CAMK2B: variants seen among roughly 807,000 people sequenced by gnomAD.
CAMK2B encodes the protein calcium/calmodulin dependent protein kinase II beta.
Under a neutral mutation model 93.7 loss-of-function variants are expected in CAMK2B, and 27 were observed. The ratio of observed to expected loss-of-function variants is 0.29; its 90% CI spans 0.21 to 0.40. CAMK2B has a LOEUF of 0.40. Among genes scored for constraint, CAMK2B ranks in the 10% least tolerant of loss-of-function variants. The probability of loss-of-function intolerance (pLI) is 1.00; values close to 1 mark genes in which losing one functional copy is unlikely to be tolerated. For synonymous variants in CAMK2B, 374 were observed against 358.8 expected (o/e 1.04, Z -0.48); for missense variants, 568 against 895.8 (o/e 0.63, Z 4.67).
At chr7:44,276,970 C>T (rs1379253560) in intron 2 of CAMK2B, among the ~76,000 whole-genome samples, 1 of 152,184 alleles carries the variant, frequency 6.6e-6, no homozygotes, top group East Asian at 1.9e-4. Context: ...AGGAGCTCCA[C>T]CCTGAGCTGA....
intron 2 of CAMK2B, among the ~76,000 whole-genome samples, chr7:44,269,609 G>A (rs1047467901): frequency 6.6e-6 from 1 of 152,110 alleles, no homozygotes; most frequent in African/African-American, 2.4e-5. Flanking sequence ...GGGCGTGGGT[G>A]GGCACCGGGC....
At chr7:44,280,485 G>A (rs1309135956) in intron 2 of CAMK2B, among the ~76,000 whole-genome samples, 1 of 152,244 alleles carries the variant, frequency 6.6e-6, no homozygotes, top group Non-Finnish European at 1.5e-5. Context: ...GCCCGAGGTG[G>A]GTGGGGGTGG....
intron 1 of CAMK2B, among the ~76,000 whole-genome samples, chr7:44,301,852 G>C (rs1297517701): frequency 6.7e-6 from 1 of 150,200 alleles, no homozygotes; most frequent in Non-Finnish European, 1.5e-5. Context: ...ACTAGAAAAA[G>C]AAAAGCAAAT....
intron 1 of CAMK2B, among the ~76,000 whole-genome samples, chr7:44,305,922 G>A (rs1461923693): frequency 2.0e-5 from 3 of 151,544 alleles, no homozygotes. Flanking sequence ...TCATACCACA[G>A]AAATGGGCAA....
chr7:44,281,754 C>T (rs2097103913), intron 2 of CAMK2B, among the ~76,000 whole-genome samples: 1 of 152,162 alleles, frequency 6.6e-6, no homozygotes. Context: ...ATCCTGGTTA[C>T]AGAGGCCACT....
intron 2 of CAMK2B, among the ~76,000 whole-genome samples, chr7:44,274,260 G>C (rs984386501): frequency 1.3e-5 from 2 of 152,288 alleles, no homozygotes; most frequent in Non-Finnish European, 2.9e-5. Flanking sequence ...CCGCTGTGCA[G>C]ACCTGTCACA....
chr7:44,289,686 C>G (rs967704509), intron 1 of CAMK2B, among the ~76,000 whole-genome samples: 5 of 152,236 alleles, frequency 3.3e-5, no homozygotes, highest in African/African-American at 1.2e-4. Flanking sequence ...AACACAGTAT[C>G]CGGCATCCAG....
intron 1 of CAMK2B, among the ~76,000 whole-genome samples, chr7:44,317,565 G>C (rs190414266): frequency 6.6e-6 from 1 of 152,148 alleles, no homozygotes; most frequent in Non-Finnish European, 1.5e-5. Flanking sequence ...TTACAGGCAC[G>C]AGCCACCGCA....
chr7:44,228,706 C>T lies in CAMK2B; in HGVS notation c.1468+90G>A, dbSNP rs528027767. Reference sequence around the variant, plus strand: ...CGGCGCCGGGGCAGGGTAGCTGGGCCGTGCATGCAGGTGGGAAGCTGCTGA... The same window carrying T: ...CGGCGCCGGGGCAGGGTAGCTGGGCTGTGCATGCAGGTGGGAAGCTGCTGA... On this transcript the variant is annotated intron_variant, in intron 19 of 23. Coordinates refer to ENST00000395749, the MANE Select transcript of CAMK2B (RefSeq NM_001220.5). 766 of 1,240,784 alleles carry T rather than the reference C, an allele frequency of 6.2e-4. 2 individuals carry two copies. The highest frequency in any genetic ancestry group is 6.9e-4 in the Non-Finnish European group (654 of 941,204). The allele number at this position is 1,240,784 out of a possible 1,614,324, so 76.9% of individuals were successfully genotyped here. A position where few individuals can be genotyped will look rare whatever the true frequency, so the allele number is the denominator to read the frequency against.
At chr7:44,221,054 C>T (rs140610273) in intron 20 of CAMK2B, 153 bp from the exon 21 acceptor site, 51 of 610,644 alleles carry the variant, frequency 8.4e-5, no homozygotes, top group Non-Finnish European at 1.2e-4. Context: ...CGCCGCCCCC[C>T]CTGCATCACC....
chr7:44,233,038 C>G (rs1427512159), intron 15 of CAMK2B, among the ~76,000 whole-genome samples, 172 bp from the exon 16 acceptor site: 1 of 151,982 alleles, frequency 6.6e-6, no homozygotes, highest in Non-Finnish European at 1.5e-5. Flanking sequence ...CGTGGAGCAG[C>G]TGGGGGAGGA....
chr7:44,299,872 T>A lies in CAMK2B; in HGVS notation c.66-15647A>T, dbSNP rs145177671. Among the ~76,000 whole-genome samples the A allele has an allele frequency of 1.9e-3, 297 of 152,312 alleles. 1 individual carries two copies. Among genetic ancestry groups the A allele is most frequent in the African/African-American group, 6.4e-3 (265 of 41,552 alleles). ...TTTCTTTCATGGATAAAGAATGGAT[T>A]CTTTAATGGCAAATTATATGTTACA... On this transcript the variant is annotated intron_variant, in intron 1 of 23. Coordinates refer to ENST00000395749, the MANE Select transcript of CAMK2B (RefSeq NM_001220.5).
chr7:44,326,005 A>T (rs1261558517), upstream of CAMK2B: 1 of 151,414 alleles, frequency 6.6e-6, no homozygotes, highest in African/African-American at 2.4e-5. Context: ...GCACATAATG[A>T]ACGCAGCCTC....
intron 2 of CAMK2B, among the ~76,000 whole-genome samples, chr7:44,275,175 C>T (rs570268063): frequency 3.9e-5 from 6 of 152,338 alleles, no homozygotes; most frequent in African/African-American, 1.2e-4. Context: ...CCCTCACCCC[C>T]TCCAAATGCC....
At chr7:44,229,281 G>A (rs2096554491) in intron 18 of CAMK2B, 107 bp downstream of exon 18, 2 of 730,734 alleles carry the variant, frequency 2.7e-6, no homozygotes, top group Admixed American at 3.1e-5. Context: ...TGATGAGGCT[G>A]GAGCCAGGGT....
rs2096363327 is a variant in CAMK2B, at chr7:44,218,717, C to T, written c.*808G>A. 1 of 152,296 alleles carries T rather than the reference C, an allele frequency of 6.6e-6. No individual in the cohort carries two copies. Among genetic ancestry groups the T allele is most frequent in the Non-Finnish European group, 1.5e-5 (1 of 68,120 alleles). The allele number at this position is 152,296 out of a possible 1,614,324, so 9.4% of individuals were successfully genotyped here. The stretch of plus-strand genomic sequence containing the variant: ...GAGAGGCCCAAAACTAAGCTGTGCC[C>T]CTCTTTGCACTTTACTCCCCCAGAA... On this transcript the variant is annotated 3_prime_UTR_variant, in exon 24 of 24. Coordinates refer to ENST00000395749, the MANE Select transcript of CAMK2B (RefSeq NM_001220.5).
Position 44,225,930 on chromosome 7 carries a change from G to A in CAMK2B, c.1597+586C>T, listed in dbSNP as rs1291003450. Reference sequence around the variant, plus strand: ...TGCGGGTAGTCGGCAGACAGACCGGGAGGTGGCCCAGCCTGGCTCCTCCCT... The same window carrying A: ...TGCGGGTAGTCGGCAGACAGACCGGAAGGTGGCCCAGCCTGGCTCCTCCCT... On this transcript the variant is annotated intron_variant, in intron 20 of 23. Coordinates refer to ENST00000395749, the MANE Select transcript of CAMK2B (RefSeq NM_001220.5). The surrounding 1 kb of genome is among the most constrained non-coding windows in gnomAD (Gnocchi z 5.0). The A allele has an allele frequency of 3.1e-6, 4 of 1,275,838 alleles. No individual in the cohort carries two copies. The South Asian group carries it at 3.8e-5, about 12-fold the overall frequency. 79.0% of individuals were successfully genotyped at this position (1,275,838 alleles called of 1,614,324 possible). A position where few individuals can be genotyped will look rare whatever the true frequency, so the allele number is the denominator to read the frequency against.
chr7:44,225,671 C>T lies in CAMK2B; in HGVS notation c.1597+845G>A. Reference sequence around the variant, plus strand: ...CTCCTGTGGGTTCACTCTCCCCACACCCTTCTGCCCTGGCCGCCTGCAGCA... The same window carrying T: ...CTCCTGTGGGTTCACTCTCCCCACATCCTTCTGCCCTGGCCGCCTGCAGCA... On this transcript the variant is annotated intron_variant, in intron 20 of 23. Transcript: ENST00000395749. This position sits in a 1 kb window ranked among gnomAD's most constrained non-coding sequence, Gnocchi z 5.0. The T allele has an allele frequency of 1.7e-6, 2 of 1,192,580 alleles. No homozygotes were observed. The highest frequency in any genetic ancestry group is 2.2e-6 in the Non-Finnish European group (2 of 901,936). The allele number at this position is 1,192,580 out of a possible 1,614,324, so 73.9% of individuals were successfully genotyped here. A position where few individuals can be genotyped will look rare whatever the true frequency, so the allele number is the denominator to read the frequency against.
chr7:44,276,622 G>C (rs2097046912), intron 2 of CAMK2B, among the ~76,000 whole-genome samples: 1 of 152,204 alleles, frequency 6.6e-6, no homozygotes, highest in Admixed American at 6.5e-5. Flanking sequence ...GGGGAGACCA[G>C]GTGCCCCAGA....
Sources: gnomAD v4.1 joint callset for allele counts (sites outside exome capture counted in the v4.1 genomes callset) on GRCh38, gnomAD v4.1.1 for gene constraint, Gnocchi (gnomAD v3.1) non-coding constraint, MANE v1.5 for transcripts, NCBI Gene and HGNC (gene_info 2026-07-23, HGNC 2026-07-21) for gene names.